The following GTF2H5 variants were observed in gnomAD, a reference collection of about 807,000 sequenced individuals.
GTF2H5 encodes the protein TFB5 ortholog.
In GTF2H5, 5 loss-of-function variants were observed where a neutral mutation model predicts 7.1. The observed-to-expected ratio is 0.71, with a 90% CI of 0.37 to 1.49. The LOEUF is 1.49. Ranked by LOEUF, GTF2H5 falls within the 40% of genes most tolerant of loss-of-function variation. The pLI is 0.03. For missense variants in GTF2H5, 80 were observed against 83.0 expected, an observed-to-expected ratio of 0.96 and a Z score of 0.14; for synonymous variants, 30 against 31.7, an observed-to-expected ratio of 0.95 and a Z score of 0.18.
chr6:158,169,688 A>ATATATTATATAATATATTGTATATTT (rs1583625678), intron 1 of GTF2H5, among the ~76,000 whole-genome samples: 1 of 49,864 alleles, frequency 2.0e-5, no homozygotes, highest in Non-Finnish European at 3.0e-5. Flanking sequence ...AATATATAAT[A>ATATATTATATAATATATTGTATATTT]TATATTATAT....
chr6:158,181,317 T>C (rs912118040), intron 2 of GTF2H5, among the ~76,000 whole-genome samples: 1 of 152,174 alleles, frequency 6.6e-6, no homozygotes, highest in African/African-American at 2.4e-5. Flanking sequence ...AGAATAAGTG[T>C]GATGGGATGC....
chr6:158,189,385 T>A (rs1776983182), intron 2 of GTF2H5, among the ~76,000 whole-genome samples: 1 of 152,180 alleles, frequency 6.6e-6, no homozygotes, highest in South Asian at 2.1e-4. Flanking sequence ...GTAGCTCTTC[T>A]CTCAAATCCT....
chr6:158,178,366 A>C (rs1470118922), intron 2 of GTF2H5, among the ~76,000 whole-genome samples: 4 of 149,142 alleles, frequency 2.7e-5, no homozygotes, highest in African/African-American at 9.9e-5. Context: ...CTGAGGCAGG[A>C]GAATGGCATG....
At chr6:158,189,589 T>A (rs1452089036) in intron 2 of GTF2H5, among the ~76,000 whole-genome samples, 1 of 152,094 alleles carries the variant, frequency 6.6e-6, no homozygotes, top group Non-Finnish European at 1.5e-5. Context: ...GACCACCACC[T>A]CCTCTTTCCA....
chr6:158,185,058 A>C (rs1776889891), intron 2 of GTF2H5, among the ~76,000 whole-genome samples: 1 of 150,894 alleles, frequency 6.6e-6, no homozygotes, highest in Admixed American at 6.6e-5. Context: ...TGCTACTCTC[A>C]ATATAGAAGT....
rs190814398 is a variant in GTF2H5, at chr6:158,191,946, C to T, written c.36-31C>T. ...CTCTGTGATGTGATTTGACAACAAG[C>T]TGTCTTACAATCATGTGTTTGTCTT... is the stretch of plus-strand genomic sequence containing the variant. On this transcript the variant is annotated intron_variant, in intron 2 of 2. Transcript: ENST00000607778. The T allele has an allele frequency of 1.9e-6, 3 of 1,568,560 alleles. No homozygotes were observed. The East Asian group carries it at 6.7e-5, about 35-fold the overall frequency.
intron 2 of GTF2H5, among the ~76,000 whole-genome samples, chr6:158,185,279 C>T (rs982965562): frequency 1.3e-5 from 2 of 151,956 alleles, no homozygotes; most frequent in African/African-American, 2.4e-5. Context: ...CGGTGGCACA[C>T]GCCTGTAATC....
chr6:158,178,204 G>A (rs548877080), intron 2 of GTF2H5, among the ~76,000 whole-genome samples: 5 of 152,150 alleles, frequency 3.3e-5, no homozygotes, highest in African/African-American at 1.2e-4. Context: ...CTGGCTGGGC[G>A]CGGTGGCTCA....
rs1562467680 is a variant in GTF2H5, at chr6:158,169,362, A to ATG, written c.-35+968_-35+969insGT. On this transcript the variant is annotated intron_variant, in intron 1 of 2. Transcript: ENST00000607778. ...AATACGTATATTATATATAATACAT[A>ATG]TATATAATATGTATATTATATATTA... is the stretch of plus-strand genomic sequence containing the variant. 4.5e-4 allele frequency among the ~76,000 whole-genome samples: 49 copies of ATG among 108,212 alleles called. 1 individual carries two copies. The highest frequency in any genetic ancestry group is 1.8e-3 in the African/African-American group (47 of 26,154). The allele number at this position is 108,212 out of a possible 152,430, so 71.0% of individuals were successfully genotyped here. A position where few individuals can be genotyped will look rare whatever the true frequency, so the allele number is the denominator to read the frequency against.
rs868272977 is a variant in GTF2H5, at chr6:158,179,347, A to T, written c.35+8809A>T. Among the ~76,000 whole-genome samples the T allele has an allele frequency of 1.7e-4, 26 of 152,262 alleles. 1 individual carries two copies. The South Asian group carries it at 3.5e-3, about 21-fold the overall frequency. On this transcript the variant is annotated intron_variant, in intron 2 of 2. Transcript: ENST00000607778. Reference sequence around the variant, plus strand: ...TATGTGGGCTCTTTTTTGGTTCCATATGAAGTTTAAAGTAGTTTTTTCCAA... The same window carrying T: ...TATGTGGGCTCTTTTTTGGTTCCATTTGAAGTTTAAAGTAGTTTTTTCCAA...
chr6:158,197,460 G>A lies in GTF2H5; in HGVS notation c.*5303G>A, dbSNP rs1324183104. ...AACAGAAACATGGCTTTACCAGTAT[G>A]ACCCTCAAGACAAAATACAAAACAA... On this transcript the variant is annotated 3_prime_UTR_variant, in exon 3 of 3. Coordinates refer to ENST00000607778, the MANE Select transcript of GTF2H5 (RefSeq NM_207118.3). 3 of 152,270 alleles carry A rather than the reference G, an allele frequency of 2.0e-5. No homozygotes were observed. Among genetic ancestry groups the A allele is most frequent in the African/African-American group, 7.2e-5 (3 of 41,400 alleles). The allele number at this position is 152,270 out of a possible 1,614,324, so 9.4% of individuals were successfully genotyped here. A position where few individuals can be genotyped will look rare whatever the true frequency, so the allele number is the denominator to read the frequency against.
chr6:158,192,335 T>C lies in GTF2H5; in HGVS notation c.*178T>C. The stretch of plus-strand genomic sequence containing the variant: ...AGCCCCTGAACTGATTTTGTTACCA[T>C]AGAATTTAAAAAAAAAAAAAGCTTT... On this transcript the variant is annotated 3_prime_UTR_variant, in exon 3 of 3. Coordinates refer to ENST00000607778, the MANE Select transcript of GTF2H5 (RefSeq NM_207118.3). The C allele has an allele frequency of 3.5e-6, 2 of 564,614 alleles. No individual in the cohort carries two copies. The highest frequency in any genetic ancestry group is 6.2e-6 in the Non-Finnish European group (2 of 321,108). The allele number at this position is 564,614 out of a possible 1,614,324, so 35.0% of individuals were successfully genotyped here.
At chr6:158,183,750 A>G (rs1476186023) in intron 2 of GTF2H5, among the ~76,000 whole-genome samples, 1 of 152,102 alleles carries the variant, frequency 6.6e-6, no homozygotes, top group Non-Finnish European at 1.5e-5. Context: ...TTGCGAAGAC[A>G]GTGGGAAAAG....
chr6:158,186,969 T>G (rs1052130404), intron 2 of GTF2H5, among the ~76,000 whole-genome samples: 1 of 147,710 alleles, frequency 6.8e-6, no homozygotes, highest in Non-Finnish European at 1.5e-5. Flanking sequence ...GTTTTTGTTT[T>G]GTTTTGTGTT....
intron 1 of GTF2H5, among the ~76,000 whole-genome samples, chr6:158,169,419 T>TACAGTATATTAC (rs1785726490): frequency 1.1e-5 from 1 of 88,384 alleles, no homozygotes; most frequent in African/African-American, 5.2e-5. Context: ...TTATATATTA[T>TACAGTATATTAC]ATATAATATA....
intron 1 of GTF2H5, among the ~76,000 whole-genome samples, chr6:158,169,572 GTATATTA>G (rs1785764018): frequency 1.7e-5 from 1 of 58,202 alleles, no homozygotes; most frequent in South Asian, 7.4e-4. Context: ...ATAATATATT[GTATATTA>G]TATATAATAT....
At chr6:158,180,374 A>G (rs577666387) in intron 2 of GTF2H5, among the ~76,000 whole-genome samples, 1 of 152,296 alleles carries the variant, frequency 6.6e-6, no homozygotes, top group South Asian at 2.1e-4. Flanking sequence ...TATCAGGACA[A>G]TGCCGGCCTC....
chr6:158,169,739 T>A (rs1232634142), intron 1 of GTF2H5, among the ~76,000 whole-genome samples: 2 of 100,516 alleles, frequency 2.0e-5, no homozygotes, highest in Admixed American at 1.6e-4. Flanking sequence ...TATTGTATAT[T>A]ATATATTATA....
In GTF2H5 at chr6:158,185,798, A is replaced by T. The variant is rs147657114; in HGVS notation, c.36-6179A>T. ...CGAGGCGGGTGGGTTGCTTGAGTCC[A>T]GGAGTTCGACATAACAGAACCCTAT... On this transcript the variant is annotated intron_variant, in intron 2 of 2. Transcript: ENST00000607778. Among the ~76,000 whole-genome samples the T allele has an allele frequency of 3.9e-3, 595 of 152,092 alleles. 6 individuals are homozygous for T. Among genetic ancestry groups the T allele is most frequent in the African/African-American group, 0.014 (570 of 41,488 alleles).
Sources: gnomAD v4.1 joint callset for allele counts (sites outside exome capture counted in the v4.1 genomes callset) on GRCh38, gnomAD v4.1.1 for gene constraint, MANE v1.5 for transcripts, NCBI Gene and HGNC (gene_info 2026-07-23, HGNC 2026-07-21) for gene names.